The following ZBTB7C variants were observed in gnomAD, a reference collection of about 807,000 sequenced individuals.
ZBTB7C encodes the protein zinc finger and BTB domain containing 7C, also known as zinc finger and BTB domain-containing protein 7C.
A neutral mutation model predicts 25.7 loss-of-function variants in ZBTB7C; 8 were observed. The ratio of observed to expected loss-of-function variants is 0.31; its 90% CI spans 0.18 to 0.56. ZBTB7C has a LOEUF of 0.56. Ranked by LOEUF, ZBTB7C falls within the 20% of genes least tolerant of loss-of-function variation. The probability of loss-of-function intolerance (pLI) is 0.91; values close to 1 mark genes in which losing one functional copy is unlikely to be tolerated. For missense variants in ZBTB7C, 824 were observed against 855.2 expected, an observed-to-expected ratio of 0.96 and a Z score of 0.46; for synonymous variants, 394 against 369.0, an observed-to-expected ratio of 1.07 and a Z score of -0.78.
At chr18:48,116,765 G>C (rs572224326) in intron 3 of ZBTB7C, among the ~76,000 whole-genome samples, 2 of 152,132 alleles carry the variant, frequency 1.3e-5, no homozygotes, top group South Asian at 4.2e-4. Context: ...CCCAGTTCAG[G>C]GCAGACCTCC....
At chr18:48,091,909 C>T (rs1406626639) in intron 3 of ZBTB7C, among the ~76,000 whole-genome samples, 1 of 152,196 alleles carries the variant, frequency 6.6e-6, no homozygotes, top group Non-Finnish European at 1.5e-5. Flanking sequence ...ACACTTAGGC[C>T]AGTGCTTCTC....
intron 3 of ZBTB7C, among the ~76,000 whole-genome samples, chr18:48,109,615 C>A (rs531867989): frequency 6.6e-6 from 1 of 151,896 alleles, no homozygotes; most frequent in African/African-American, 2.4e-5. Flanking sequence ...AACAACCACA[C>A]ACACACAAAA....
intron 3 of ZBTB7C, among the ~76,000 whole-genome samples, chr18:48,171,779 A>G (rs1428253225): frequency 6.6e-6 from 1 of 152,198 alleles, no homozygotes. Flanking sequence ...TGACTACTTT[A>G]TGTGGGGCAA....
intron 3 of ZBTB7C, chr18:48,149,023 C>T (rs2040583916): frequency 6.6e-6 from 1 of 152,262 alleles, no homozygotes. Flanking sequence ...TAGATTAGGT[C>T]CTGCCAGCTT....
chr18:48,342,558 T>G (rs2046628920), intron 1 of ZBTB7C, among the ~76,000 whole-genome samples: 1 of 152,220 alleles, frequency 6.6e-6, no homozygotes, highest in Admixed American at 6.5e-5. Flanking sequence ...CTAGAGAGTG[T>G]AATCAATTCC....
chr18:48,243,121 G>A (rs1470050715), intron 2 of ZBTB7C, among the ~76,000 whole-genome samples: 3 of 151,956 alleles, frequency 2.0e-5, no homozygotes, highest in Non-Finnish European at 2.9e-5. Context: ...AAAATTAGCT[G>A]GGCATGGTCG....
intron 3 of ZBTB7C, among the ~76,000 whole-genome samples, chr18:48,112,140 A>G (rs1426246392): frequency 1.3e-5 from 2 of 152,184 alleles, no homozygotes; most frequent in Non-Finnish European, 2.9e-5. Flanking sequence ...GATGTGTACA[A>G]ATAGTTGTAC....
chr18:48,148,213 T>C (rs901330734), intron 3 of ZBTB7C: 2 of 150,136 alleles, frequency 1.3e-5, no homozygotes, highest in African/African-American at 2.5e-5. Context: ...TTTACTATGC[T>C]AGCCAGTCTG....
Position 48,164,898 on chromosome 18 carries a change from T to C in ZBTB7C, c.-17+21036A>G, listed in dbSNP as rs565013856. Among the ~76,000 whole-genome samples the C allele has an allele frequency of 2.6e-5, 4 of 152,236 alleles. No homozygotes were observed. The South Asian group carries it at 8.3e-4, about 32-fold the overall frequency. ...CCCCCTACATCCCACCAAGTTGGGA[T>C]TGTTGTTGTCCTTATTTTACAAATG... On this transcript the variant is annotated intron_variant, in intron 3 of 4. Transcript: ENST00000590800.
chr18:48,158,105 G>A (rs895485852), intron 3 of ZBTB7C, among the ~76,000 whole-genome samples: 2 of 152,090 alleles, frequency 1.3e-5, no homozygotes, highest in African/African-American at 4.8e-5. Context: ...GGAACAAAAT[G>A]GTATCTGGTC....
At chr18:48,299,537 C>A (rs1239488030) in intron 2 of ZBTB7C, among the ~76,000 whole-genome samples, 2 of 152,222 alleles carry the variant, frequency 1.3e-5, no homozygotes, top group South Asian at 4.1e-4. Flanking sequence ...CATAACTCAA[C>A]CTGGTTCTTG....
chr18:48,120,418 G>A (rs183671546), intron 3 of ZBTB7C, among the ~76,000 whole-genome samples: 163 of 152,224 alleles, frequency 1.1e-3, no homozygotes, highest in African/African-American at 3.8e-3. Flanking sequence ...TTGAGGTCAG[G>A]AGTTCAAGAC....
intron 2 of ZBTB7C, among the ~76,000 whole-genome samples, chr18:48,286,403 ACAT>A (rs376484334): frequency 7.9e-5 from 12 of 152,294 alleles, no homozygotes; most frequent in East Asian, 7.7e-4. Flanking sequence ...GTAAAGGAAA[ACAT>A]CATCACATCA....
At chr18:48,111,286 C>G (rs1040392203) in intron 3 of ZBTB7C, among the ~76,000 whole-genome samples, 12 of 152,158 alleles carry the variant, frequency 7.9e-5, no homozygotes, top group African/African-American at 2.4e-4. Context: ...AAAACAAGCC[C>G]AAATTCAATA....
chr18:48,203,490 A>C (rs899557674), intron 2 of ZBTB7C: 2 of 152,272 alleles, frequency 1.3e-5, no homozygotes, highest in African/African-American at 4.8e-5. Context: ...TCTGCAGTGC[A>C]AAAGAATGGA....
At chr18:48,362,385 G>A (rs78329845) in intron 1 of ZBTB7C, among the ~76,000 whole-genome samples, 3,877 of 152,326 alleles carry the variant, frequency 0.025, 61 homozygotes, top group Middle Eastern at 0.071. Context: ...GCCTTTGGGA[G>A]GTGATTAGGT....
intron 1 of ZBTB7C, among the ~76,000 whole-genome samples, chr18:48,389,236 CGTGTGTGTGTGT>C (rs71165323): frequency 3.0e-4 from 19 of 62,376 alleles, no homozygotes; most frequent in African/African-American, 1.3e-3. Context: ...CTCTCTCTCT[CGTGTGTGTGTGT>C]GTGTGTGTGT....
chr18:48,301,581 C>T (rs188134708), intron 2 of ZBTB7C, among the ~76,000 whole-genome samples: 78 of 152,208 alleles, frequency 5.1e-4, no homozygotes, highest in Non-Finnish European at 9.8e-4. Flanking sequence ...ACCTCCCAGC[C>T]GAGTTATGTG....
intron 3 of ZBTB7C, among the ~76,000 whole-genome samples, chr18:48,159,823 T>A (rs1182769393): frequency 6.6e-6 from 1 of 152,244 alleles, no homozygotes; most frequent in Non-Finnish European, 1.5e-5. Context: ...CCCAGAGGCA[T>A]GAACATTAGG....
Sources: allele counts gnomAD v4.1 joint callset (sites outside exome capture counted in the v4.1 genomes callset), GRCh38; gene constraint gnomAD v4.1.1; transcripts MANE v1.5; gene names NCBI Gene and HGNC (gene_info 2026-07-23, HGNC 2026-07-21).